Variants in JMJD8 observed in about 807,000 individuals in gnomAD.
JMJD8 encodes the protein jmjC domain-containing protein 8.
A neutral mutation model predicts 37.6 loss-of-function variants in JMJD8; 56 were observed. The observed-to-expected ratio is 1.49, with a 90% CI of 1.20 to 1.86. The LOEUF is 1.86. Ranked by LOEUF, JMJD8 falls within the 40% of genes most tolerant of loss-of-function variation. The probability of loss-of-function intolerance (pLI) is 0.00; values close to 1 mark genes in which losing one functional copy is unlikely to be tolerated. For synonymous variants in JMJD8, 261 were observed against 163.7 expected, an observed-to-expected ratio of 1.59 and a Z score of -4.54; for missense variants, 542 against 362.7, an observed-to-expected ratio of 1.49 and a Z score of -4.01.
Position 684,278 on chromosome 16 carries a change from C to G in JMJD8, c.42G>C (p.Ala14=). 6.9e-7 allele frequency: 1 copy of G among 1,449,444 alleles called. No individual in the cohort carries two copies. The highest frequency in any genetic ancestry group is 9.0e-7 in the Non-Finnish European group (1 of 1,109,982). The allele number at this position is 1,449,444 out of a possible 1,614,324, so 89.8% of individuals were successfully genotyped here. ...CCCCGGAGCCGGGTAGAGCCACAGC[C>G]GCCAGCGCCCAGAGCGCGAGCAACC... is the stretch of plus-strand genomic sequence containing the variant. ...ASRLLALWAL[A]AVALPGSGAE... is the part of the protein sequence containing the mutation. The change falls in exon 1 of 9, where the codon GCG becomes GCC. Residue 14 remains alanine, a synonymous_variant. Coordinates refer to ENST00000609261, the MANE Select transcript of JMJD8 (RefSeq NM_001005920.4).
Position 681,846 on chromosome 16 carries a change from T to C in JMJD8, c.*948A>G. 6.2e-7 allele frequency: 1 copy of C among 1,611,830 alleles called. No individual in the cohort carries two copies. The highest frequency in any genetic ancestry group is 8.5e-7 in the Non-Finnish European group (1 of 1,179,290). On this transcript the variant is annotated 3_prime_UTR_variant, in exon 9 of 9. Coordinates refer to ENST00000609261, the MANE Select transcript of JMJD8 (RefSeq NM_001005920.4). ...GAGGGTGATGAGGACGACAGCCACG[T>C]CCGGGCCCAGCAGGCCTGCATTGAG...
chr16:682,869 C>T lies in JMJD8; in HGVS notation c.720G>A (p.Leu240=), dbSNP rs370847542. The T allele has an allele frequency of 2.5e-4, 410 of 1,612,910 alleles. 1 individual carries two copies. Among genetic ancestry groups the T allele is most frequent in the Non-Finnish European group, 3.3e-4 (386 of 1,179,870 alleles). ...LECTIRAGEV[L]YFPDRWWHAT... Reference sequence around the variant, plus strand: ...CATGCCACCAGCGGTCGGGGAAGTACAGCACCTGGTGGAGGAAGGGGGTGC... The same window carrying T: ...CATGCCACCAGCGGTCGGGGAAGTATAGCACCTGGTGGAGGAAGGGGGTGC... Residue 240 remains leucine, a synonymous_variant, in exon 9 of 9, where the codon CTG becomes CTA. Transcript: ENST00000609261.
At chr16:683,986 CA>C in intron 2 of JMJD8, 77 bp from the exon 3 acceptor site, 2 of 1,556,544 alleles carry the variant, frequency 1.3e-6, no homozygotes, top group Non-Finnish European at 1.7e-6. Flanking sequence ...CGCGCGAGGT[CA>C]GGGGAAGGCG....
rs565092277 is a variant in JMJD8, at chr16:682,580, G to A, written c.*214C>T. ...CATAGTTTATGTTCCTGGCCACCCC[G>A]ACCGCTTCCCCCAAGTTCTGCTGTT... is the stretch of plus-strand genomic sequence containing the variant. On this transcript the variant is annotated 3_prime_UTR_variant, in exon 9 of 9. Coordinates refer to ENST00000609261, the MANE Select transcript of JMJD8 (RefSeq NM_001005920.4). 11 of 1,557,760 alleles carry A rather than the reference G, an allele frequency of 7.1e-6. No homozygotes were observed. The highest frequency in any genetic ancestry group is 1.8e-5 in the Admixed American group (1 of 56,724).
chr16:683,757 C>T lies in JMJD8; in HGVS notation c.250G>A (p.Asp84Asn). The T allele has an allele frequency of 6.2e-7, 1 of 1,609,122 alleles. No homozygotes were observed. Among genetic ancestry groups the T allele is most frequent in the Non-Finnish European group, 8.5e-7 (1 of 1,178,354 alleles). Residue 84 changes from aspartate to asparagine, a missense_variant, in exon 4 of 9, where the codon GAC (aspartate) becomes AAC (asparagine). Transcript: ENST00000609261. Reference protein sequence around the residue: ...NSRFRALCSRDRLLASFGDRV... With the variant: ...NSRFRALCSRNRLLASFGDRV... The stretch of plus-strand genomic sequence containing the variant: ...TCCCCAAACGAAGCCAGCAACCTGT[C>T]GCGGGAGCACAGGGCCCGGAACCTC...
chr16:684,029 A>G, intron 2 of JMJD8, 37 bp downstream of exon 2: 1 of 1,572,672 alleles, frequency 6.4e-7, no homozygotes. Flanking sequence ...CGGGCCGGTG[A>G]ACAGGACGCG....
At position 683,031 on chromosome 16, in the gene JMJD8, C is replaced by A. The variant is rs772104400; in HGVS notation, c.636G>T (p.Thr212=). ...KTPEFHPNKT[T]LAWLRDTYPA... ...GGTATGTGTCCCGGAGCCAGGCCAG[C>A]GTGGTCTTGTTGGGGTGGAACTCTG... Residue 212 remains threonine (T), a synonymous_variant, in exon 8 of 9, where the codon ACG becomes ACT. Coordinates refer to ENST00000609261, the MANE Select transcript of JMJD8 (RefSeq NM_001005920.4). 1 of 1,613,470 alleles carries A rather than the reference C, an allele frequency of 6.2e-7. No homozygotes were observed. The highest frequency in any genetic ancestry group is 1.1e-5 in the South Asian group (1 of 91,078).
In JMJD8 at chr16:684,305, C is replaced by G. The variant is rs1377278031; in HGVS notation, c.15G>C (p.Ser5=). MAPA[S]RLLALWALAA... is the part of the protein sequence containing the mutation. ...CCAGCGCCCAGAGCGCGAGCAACCG[C>G]GACGCCGGCGCCATGAGCCTGCCGC... is the stretch of plus-strand genomic sequence containing the variant. Residue 5 remains serine (S), a synonymous_variant, in exon 1 of 9, where the codon TCG becomes TCC. Transcript: ENST00000609261. The G allele has an allele frequency of 6.7e-7, 1 of 1,484,480 alleles. No homozygotes were observed. Among genetic ancestry groups the G allele is most frequent in the Non-Finnish European group, 8.9e-7 (1 of 1,125,360 alleles). 92.0% of individuals were successfully genotyped at this position (1,484,480 alleles called of 1,614,324 possible). A position where few individuals can be genotyped will look rare whatever the true frequency, so the allele number is the denominator to read the frequency against.
intron 5 of JMJD8, 33 bp downstream of exon 5, chr16:683,497 C>T (rs1239710712): frequency 6.5e-7 from 1 of 1,545,504 alleles, no homozygotes; most frequent in Admixed American, 2.0e-5. Flanking sequence ...TCCAAGCGTC[C>T]CCACCCCCTA....
In JMJD8 at chr16:682,085, GT is replaced by G; in HGVS notation, c.*708del. 1.3e-6 allele frequency: 2 copies of G among 1,581,954 alleles called. No individual in the cohort carries two copies. The highest frequency in any genetic ancestry group is 1.1e-5 in the South Asian group (1 of 87,448). The stretch of plus-strand genomic sequence containing the variant: ...TGGATGAGAAGAGGAAGGTGAGTGT[GT>G]GTCGCTTGCTGCCGATGGCTGGCAG... On this transcript the variant is annotated 3_prime_UTR_variant, in exon 9 of 9. Coordinates refer to ENST00000609261, the MANE Select transcript of JMJD8 (RefSeq NM_001005920.4).
rs764969606 is a variant in JMJD8, at chr16:683,085, G to A, written c.582C>T (p.Arg194=). 14 of 1,613,464 alleles carry A rather than the reference G, an allele frequency of 8.7e-6. No individual in the cohort carries two copies. Among genetic ancestry groups the A allele is most frequent in the Non-Finnish European group, 1.2e-5 (14 of 1,179,880 alleles). The change falls in exon 8 of 9, where the codon CGC becomes CGT. Residue 194 remains arginine, a splice_region_variant and synonymous_variant. Coordinates refer to ENST00000609261, the MANE Select transcript of JMJD8 (RefSeq NM_001005920.4). Reference sequence around the variant, plus strand: ...TCTTCTCAGGTGGGTAAAGGAACCAGCGCTGGGGGCATGAGCAGCAGTGTC... The same window carrying A: ...TCTTCTCAGGTGGGTAAAGGAACCAACGCTGGGGGCATGAGCAGCAGTGTC... ...GYSEVIYGRK[R]WFLYPPEKTP...
chr16:683,643 G>A (rs768013197), intron 4 of JMJD8, 42 bp downstream of exon 4: 123 of 1,580,060 alleles, frequency 7.8e-5, no homozygotes, highest in Non-Finnish European at 1.0e-4. Flanking sequence ...CAGCCGCCCC[G>A]GTGTTGGCAA....
At position 682,099 on chromosome 16, in the gene JMJD8, C is replaced by G. The variant is rs377299643; in HGVS notation, c.*695G>C. 14 of 1,581,602 alleles carry G rather than the reference C, an allele frequency of 8.9e-6. No homozygotes were observed. Among genetic ancestry groups the G allele is most frequent in the Non-Finnish European group, 1.2e-5 (14 of 1,157,492 alleles). On this transcript the variant is annotated 3_prime_UTR_variant, in exon 9 of 9. Coordinates refer to ENST00000609261, the MANE Select transcript of JMJD8 (RefSeq NM_001005920.4). ...AAGGTGAGTGTGTGTCGCTTGCTGC[C>G]GATGGCTGGCAGGTGCTCGTGCAGT...
chr16:681,828 A>G lies in JMJD8; in HGVS notation c.*966T>C, dbSNP rs759732187. On this transcript the variant is annotated 3_prime_UTR_variant, in exon 9 of 9. Coordinates refer to ENST00000609261, the MANE Select transcript of JMJD8 (RefSeq NM_001005920.4). ...GAGTGCCAGCGAAACCACGAGGGTG[A>G]TGAGGACGACAGCCACGTCCGGGCC... 1 of 1,609,408 alleles carries G rather than the reference A, an allele frequency of 6.2e-7. No individual in the cohort carries two copies. Among genetic ancestry groups the G allele is most frequent in the South Asian group, 1.1e-5 (1 of 90,876 alleles).
rs1567286226 is a variant in JMJD8, at chr16:683,238, T to A, written c.512-4A>T. 1 of 1,613,006 alleles carries A rather than the reference T, an allele frequency of 6.2e-7. No individual in the cohort carries two copies. The highest frequency in any genetic ancestry group is 8.5e-7 in the Non-Finnish European group (1 of 1,179,820). ...AAGGGCACCCCCGAGCCAGCTCCTG[T>A]GGGGTTATGAGCACCTGGTGACCAA... On this transcript the variant is annotated splice_polypyrimidine_tract_variant and splice_region_variant and intron_variant, in intron 6 of 8. Transcript: ENST00000609261.
chr16:683,168 T>C lies in JMJD8; in HGVS notation c.578A>G (p.Lys193Arg), dbSNP rs2039756331. The change falls in exon 7 of 9, where the codon AAG (lysine) becomes AGG (arginine). Residue 193 changes from lysine to arginine, a missense_variant and splice_region_variant. Lys to Arg is a conservative substitution (Grantham distance 26). Transcript: ENST00000609261. ...PGYSEVIYGR[K>R]RWFLYPPEKT... Reference sequence around the variant, plus strand: ...CCTCAACCCCCACCCCGTGCTGACCTTACGACCGTAGATCACTTCTGAGTA... The same window carrying C: ...CCTCAACCCCCACCCCGTGCTGACCCTACGACCGTAGATCACTTCTGAGTA... 6.2e-7 allele frequency: 1 copy of C among 1,613,374 alleles called. No homozygotes were observed. The highest frequency in any genetic ancestry group is 8.5e-7 in the Non-Finnish European group (1 of 1,179,876).
Position 684,281 on chromosome 16 carries a change from C to T in JMJD8, c.39G>A (p.Leu13=). 1.4e-6 allele frequency: 2 copies of T among 1,455,396 alleles called. No homozygotes were observed. The highest frequency in any genetic ancestry group is 1.8e-6 in the Non-Finnish European group (2 of 1,112,882). 90.2% of individuals were successfully genotyped at this position (1,455,396 alleles called of 1,614,324 possible). A position where few individuals can be genotyped will look rare whatever the true frequency, so the allele number is the denominator to read the frequency against. ...CGGAGCCGGGTAGAGCCACAGCCGC[C>T]AGCGCCCAGAGCGCGAGCAACCGCG... ...PASRLLALWA[L]AAVALPGSGA... is the part of the protein sequence containing the mutation. Residue 13 remains leucine, a synonymous_variant, in exon 1 of 9, where the codon CTG becomes CTA. Coordinates refer to ENST00000609261, the MANE Select transcript of JMJD8 (RefSeq NM_001005920.4).
At position 683,121 on chromosome 16, in the gene JMJD8, G is replaced by A. The variant is rs752266844; in HGVS notation, c.580-34C>T. On this transcript the variant is annotated intron_variant, in intron 7 of 8. Transcript: ENST00000609261. ...ATGAGCAGCAGTGTCACCCTTGCCCGTTTTGGTCAGCGAGTCCCAAGCCTC... is the reference window on the plus strand; with the variant it reads ...ATGAGCAGCAGTGTCACCCTTGCCCATTTTGGTCAGCGAGTCCCAAGCCTC... The A allele has an allele frequency of 1.1e-5, 17 of 1,613,336 alleles. 1 individual carries two copies. Among genetic ancestry groups the A allele is most frequent in the African/African-American group, 4.0e-5 (3 of 74,900 alleles).
Position 681,841 on chromosome 16 carries a change from C to T in JMJD8, c.*953G>A. The stretch of plus-strand genomic sequence containing the variant: ...ACCACGAGGGTGATGAGGACGACAG[C>T]CACGTCCGGGCCCAGCAGGCCTGCA... On this transcript the variant is annotated 3_prime_UTR_variant, in exon 9 of 9. Transcript: ENST00000609261. The T allele has an allele frequency of 6.2e-7, 1 of 1,611,064 alleles. No individual in the cohort carries two copies. The highest frequency in any genetic ancestry group is 8.5e-7 in the Non-Finnish European group (1 of 1,178,708).
Sources: gnomAD v4.1 joint callset for allele counts on GRCh38, gnomAD v4.1.1 for gene constraint, MANE v1.5 for transcripts, NCBI Gene and HGNC (gene_info 2026-07-23, HGNC 2026-07-21) for gene names.